Variants in DLG2 observed in about 807,000 individuals in gnomAD.
DLG2 encodes disks large homolog 2.
DLG2 carries 45 observed loss-of-function variants against 132.5 expected under a neutral mutation model. The observed-to-expected ratio is 0.34, with a 90% confidence interval of 0.27 to 0.44. The LOEUF is 0.44. Ranked by LOEUF, DLG2 falls within the 20% of genes least tolerant of loss-of-function variation. The pLI is 1.00. For missense variants in DLG2, 1,045 were observed against 1,196.9 expected (o/e 0.87, Z 1.87); for synonymous variants, 424 against 419.6 (o/e 1.01, Z -0.13).
intron 3 of DLG2, among the ~76,000 whole-genome samples, chr11:85,533,007 T>TTTGTTTTTGTTG (rs1555175038): frequency 1.3e-5 from 2 of 151,122 alleles, no homozygotes; most frequent in Admixed American, 1.3e-4. Context: ...CTAAGGTGTT[T>TTTGTTTTTGTTG]TTGTTGTTGT....
intron 8 of DLG2, among the ~76,000 whole-genome samples, chr11:84,182,239 G>A (rs67084495): frequency 0.064 from 9,705 of 152,154 alleles, 381 homozygotes; most frequent in African/African-American, 0.097. Context: ...AAATTATGAA[G>A]TACCTGGAGA....
chr11:83,461,868 A>G, intron 27 of DLG2, 134 bp downstream of exon 27: 7 of 651,828 alleles, frequency 1.1e-5, no homozygotes, highest in East Asian at 2.7e-5. Flanking sequence ...TACTCCTTGT[A>G]TATGAAACAG....
rs1453717248 is a variant in DLG2, at chr11:85,175,558, A to G, written c.187-20907T>C. On this transcript the variant is annotated intron_variant, in intron 4 of 27. Transcript: ENST00000376104. ...GAACCCTTGAAAACTGGCACAAGAC[A>G]AGGATGCCCTCTCTCACCACTCCTA... Among the ~76,000 whole-genome samples the G allele has an allele frequency of 2.0e-5, 3 of 152,172 alleles. No individual in the cohort carries two copies. The East Asian group carries it at 5.8e-4, about 29-fold the overall frequency.
intron 7 of DLG2, among the ~76,000 whole-genome samples, chr11:84,411,450 G>T (rs76938703): frequency 0.036 from 5,522 of 152,208 alleles, 301 homozygotes; most frequent in African/African-American, 0.11. Flanking sequence ...AAGTAAAATT[G>T]AAATCAATGG....
chr11:84,098,035 C>CTTT lies in DLG2; in HGVS notation c.749+885_749+887dup, dbSNP rs35298703. On this transcript the variant is annotated intron_variant, in intron 10 of 27. Coordinates refer to ENST00000376104, the MANE Select transcript of DLG2 (RefSeq NM_001142699.3). ...CCACCAACCTAAACTCACCATGTGC[C>CTTT]TTTTTTTTTTTTTTTTTCTTTTTTG... Among the ~76,000 whole-genome samples, 909 of 121,434 alleles carry CTTT rather than the reference C, an allele frequency of 7.5e-3. 7 individuals carry two copies. The highest frequency in any genetic ancestry group is 0.018 in the South Asian group (68 of 3,758). The allele number at this position is 121,434 out of a possible 152,430, so 79.7% of individuals were successfully genotyped here.
At chr11:83,826,744 C>A (rs893198414) in intron 17 of DLG2, among the ~76,000 whole-genome samples, 1 of 152,150 alleles carries the variant, frequency 6.6e-6, no homozygotes, top group African/African-American at 2.4e-5. Context: ...CTTACTGATA[C>A]TTTTTCCTGA....
chr11:85,103,836 A>G (rs2071268311), intron 6 of DLG2, among the ~76,000 whole-genome samples: 1 of 151,940 alleles, frequency 6.6e-6, no homozygotes, highest in Non-Finnish European at 1.5e-5. Context: ...TAAGGGACTA[A>G]TATCCAGAAC....
At chr11:84,305,781 A>C (rs1183564107) in intron 7 of DLG2, among the ~76,000 whole-genome samples, 1 of 152,130 alleles carries the variant, frequency 6.6e-6, no homozygotes, top group Non-Finnish European at 1.5e-5. Context: ...GTTTTGATAC[A>C]AGTTGAGTTT....
At chr11:84,228,587 T>A (rs940952302) in intron 8 of DLG2, among the ~76,000 whole-genome samples, 1 of 152,240 alleles carries the variant, frequency 6.6e-6, no homozygotes, top group African/African-American at 2.4e-5. Context: ...TCGGATGTGA[T>A]ATGATACATG....
At chr11:83,966,975 G>A (rs2514150) in intron 12 of DLG2, among the ~76,000 whole-genome samples, 25,962 of 151,812 alleles carry the variant, frequency 0.17, 3,259 homozygotes, top group African/African-American at 0.33. Flanking sequence ...CCACATATAA[G>A]TGAGATCATG....
intron 6 of DLG2, among the ~76,000 whole-genome samples, chr11:84,608,468 G>C (rs568203578): frequency 3.9e-5 from 6 of 152,154 alleles, no homozygotes; most frequent in Admixed American, 3.9e-4. Context: ...GCTAAGATTC[G>C]GTGAGAAACA....
At chr11:84,894,198 G>A (rs1383854530) in intron 6 of DLG2, among the ~76,000 whole-genome samples, 1 of 152,150 alleles carries the variant, frequency 6.6e-6, no homozygotes, top group East Asian at 1.9e-4. Flanking sequence ...TACAGTCAAG[G>A]TCATCAACAA....
intron 3 of DLG2, among the ~76,000 whole-genome samples, chr11:85,465,324 C>CT (rs1243803303): frequency 6.6e-6 from 1 of 151,510 alleles, no homozygotes; most frequent in African/African-American, 2.4e-5. Context: ...TTTAATTATA[C>CT]TTTAAGTTCT....
intron 6 of DLG2, among the ~76,000 whole-genome samples, chr11:84,726,705 G>T (rs563227342): frequency 3.3e-5 from 5 of 152,128 alleles, no homozygotes; most frequent in Admixed American, 2.6e-4. Context: ...TTCCACAATA[G>T]TTGAACTAAT....
chr11:85,420,107 G>T (rs900708838), intron 3 of DLG2, among the ~76,000 whole-genome samples: 2 of 152,130 alleles, frequency 1.3e-5, no homozygotes, highest in Admixed American at 1.3e-4. Flanking sequence ...ACCTTTGGAT[G>T]GGGTTTTCAT....
At chr11:83,480,590 A>AT in intron 22 of DLG2, 1 of 1,553,782 alleles carries the variant, frequency 6.4e-7, no homozygotes, top group South Asian at 1.2e-5. Flanking sequence ...CTTTATCTCC[A>AT]TTTTACAGGA....
chr11:83,871,304 C>G (rs2063392991), intron 16 of DLG2, among the ~76,000 whole-genome samples: 1 of 152,180 alleles, frequency 6.6e-6, no homozygotes, highest in Non-Finnish European at 1.5e-5. Flanking sequence ...AATTTAAAAA[C>G]AGCAGTGACT....
chr11:84,384,808 T>A (rs1034943555), intron 7 of DLG2, among the ~76,000 whole-genome samples: 2 of 152,064 alleles, frequency 1.3e-5, no homozygotes, highest in Non-Finnish European at 2.9e-5. Flanking sequence ...CTATATGTGC[T>A]GCAATGACTC....
At chr11:83,995,266 T>C (rs1291388924) in intron 11 of DLG2, among the ~76,000 whole-genome samples, 1 of 152,012 alleles carries the variant, frequency 6.6e-6, no homozygotes, top group Non-Finnish European at 1.5e-5. Context: ...TTGGAAAAAA[T>C]GAAGAAAGGC....
Sources: allele counts gnomAD v4.1 joint callset (sites outside exome capture counted in the v4.1 genomes callset), GRCh38; gene constraint gnomAD v4.1.1; transcripts MANE v1.5; gene names NCBI Gene and HGNC (gene_info 2026-07-23, HGNC 2026-07-21).